Variants in USP3 observed in about 807,000 individuals in gnomAD.
USP3 encodes the protein ubiquitin specific peptidase 3.
In USP3, 20 loss-of-function variants were observed where a neutral mutation model predicts 72.3. The ratio of observed to expected loss-of-function variants is 0.28; its 90% CI spans 0.19 to 0.40. USP3 has a LOEUF of 0.40. Ranked by LOEUF, USP3 falls within the 10% of genes least tolerant of loss-of-function variation. The pLI is 1.00. For missense variants in USP3, 479 were observed against 633.9 expected, an observed-to-expected ratio of 0.76 and a Z score of 2.62; for synonymous variants, 222 against 225.3, an observed-to-expected ratio of 0.99 and a Z score of 0.13.
In USP3 at chr15:63,588,836, G is replaced by T. The variant is rs2067126784; in HGVS notation, c.1329+21G>T. On this transcript the variant is annotated intron_variant, in intron 13 of 14. Transcript: ENST00000380324. The surrounding 1 kb of genome is among the most constrained non-coding windows in gnomAD (Gnocchi z 4.6). ...TAGAGGTAAGGTGGTTACCTTTTTA[G>T]CATGGTGAAAAAATGGCTCTTCAGT... 6.2e-7 allele frequency: 1 copy of T among 1,611,262 alleles called. No homozygotes were observed. Among genetic ancestry groups the T allele is most frequent in the African/African-American group, 1.3e-5 (1 of 74,844 alleles).
intron 8 of USP3, among the ~76,000 whole-genome samples, chr15:63,566,277 C>CA (rs943147169): frequency 3.2e-4 from 48 of 149,578 alleles, no homozygotes; most frequent in African/African-American, 1.1e-3. Context: ...TTTTTGTAGA[C>CA]AAAAAATAGA....
chr15:63,522,167 TGCCC>T (rs1339059319), intron 1 of USP3, among the ~76,000 whole-genome samples: 6 of 152,232 alleles, frequency 3.9e-5, no homozygotes, highest in African/African-American at 1.4e-4. Flanking sequence ...TGAGCCACTG[TGCCC>T]AGTCCTCTCA....
intron 1 of USP3, among the ~76,000 whole-genome samples, chr15:63,518,533 T>C (rs1212923018): frequency 6.6e-6 from 1 of 152,218 alleles, no homozygotes; most frequent in East Asian, 1.9e-4. Flanking sequence ...AGGACACAGA[T>C]TTTTAATCTC....
At chr15:63,556,104 C>CT (rs1245522489) in intron 4 of USP3, among the ~76,000 whole-genome samples, 2 of 152,188 alleles carry the variant, frequency 1.3e-5, no homozygotes, top group Non-Finnish European at 2.9e-5. Flanking sequence ...AATTTCCTCA[C>CT]TAATAAGGAT....
chr15:63,521,818 T>C (rs1315377743), intron 1 of USP3, among the ~76,000 whole-genome samples: 2 of 152,286 alleles, frequency 1.3e-5, no homozygotes, highest in South Asian at 4.1e-4. Context: ...CAATTATACA[T>C]GGGATAGAAA....
intron 3 of USP3, among the ~76,000 whole-genome samples, chr15:63,537,989 T>C (rs1384928088): frequency 1.7e-5 from 2 of 117,020 alleles, no homozygotes; most frequent in Non-Finnish European, 3.9e-5. Flanking sequence ...TCCAGTGCTA[T>C]TTTTTTTTTT....
chr15:63,564,497 T>C (rs570920428), intron 8 of USP3, among the ~76,000 whole-genome samples: 1 of 152,308 alleles, frequency 6.6e-6, no homozygotes, highest in African/African-American at 2.4e-5. Context: ...AGATCCCTCA[T>C]TCTTGAAAGC....
At chr15:63,583,315 A>G (rs1286574409) in intron 11 of USP3, among the ~76,000 whole-genome samples, 1 of 151,814 alleles carries the variant, frequency 6.6e-6, no homozygotes, top group Admixed American at 6.6e-5. Context: ...GACATTGTCA[A>G]TTAAAAAAAA....
intron 9 of USP3, 65 bp from the exon 10 acceptor site, chr15:63,573,981 G>GT (rs1157982190): frequency 8.4e-7 from 1 of 1,187,410 alleles, no homozygotes; most frequent in East Asian, 2.6e-5. Context: ...AATATTTGTA[G>GT]TTTTTTAAAT....
At chr15:63,563,371 T>C (rs1479635832) in intron 8 of USP3, among the ~76,000 whole-genome samples, 1 of 152,170 alleles carries the variant, frequency 6.6e-6, no homozygotes, top group Non-Finnish European at 1.5e-5. Flanking sequence ...GCTAAAAAAA[T>C]TAATAAGATC....
rs368139025 is a variant in USP3, at chr15:63,574,012, C to T, written c.909-34C>T. 2.1e-6 allele frequency: 3 copies of T among 1,443,252 alleles called. No homozygotes were observed. The highest frequency in any genetic ancestry group is 1.4e-5 in the African/African-American group (1 of 70,572). 89.4% of individuals were successfully genotyped at this position (1,443,252 alleles called of 1,614,324 possible). ...TAAATGTCAAAGAGATGGCTTCTTA[C>T]TGAGATATTTTCCTGTGTGGTGATT... On this transcript the variant is annotated intron_variant, in intron 9 of 14. Coordinates refer to ENST00000380324, the MANE Select transcript of USP3 (RefSeq NM_006537.4). The surrounding 1 kb of genome is among the most constrained non-coding windows in gnomAD (Gnocchi z 4.6).
At chr15:63,590,321 G>C (rs971517543) in intron 14 of USP3, among the ~76,000 whole-genome samples, 2 of 152,182 alleles carry the variant, frequency 1.3e-5, no homozygotes, top group African/African-American at 4.8e-5. Flanking sequence ...TGTCAGGGAA[G>C]GGTGCCCTTC....
chr15:63,589,012 G>A lies in USP3; in HGVS notation c.1397+1G>A. ...CTGTGGTGGTGCACCATGGTTCCGG[G>A]TGAGTACAACAGCCAGCTTCTGGTG... is the stretch of plus-strand genomic sequence containing the variant. On this transcript the variant is annotated splice_donor_variant, in intron 14 of 14. Transcript: ENST00000380324. LOFTEE classifies it high-confidence loss of function. 6.2e-7 allele frequency: 1 copy of A among 1,613,232 alleles called. No individual in the cohort carries two copies.
In USP3 at chr15:63,514,515, A is replaced by G. The variant is rs533973410; in HGVS notation, c.91+9685A>G. 6.6e-5 allele frequency among the ~76,000 whole-genome samples: 10 copies of G among 152,312 alleles called. No individual in the cohort carries two copies. The South Asian group carries it at 2.1e-3, about 32-fold the overall frequency. On this transcript the variant is annotated intron_variant, in intron 1 of 14. Transcript: ENST00000380324. ...TCAAAATAAGTCCCGTTGATTTTAAAAGAATAAAGAGTTTCCCAGTAAGTA... is the reference window on the plus strand; with the variant it reads ...TCAAAATAAGTCCCGTTGATTTTAAGAGAATAAAGAGTTTCCCAGTAAGTA...
At position 63,528,985 on chromosome 15, in the gene USP3, A is replaced by C. The variant is rs1450385108; in HGVS notation, c.92-3662A>C. On this transcript the variant is annotated intron_variant, in intron 1 of 14. Transcript: ENST00000380324. This position sits in a 1 kb window ranked among gnomAD's most constrained non-coding sequence, Gnocchi z 4.3. The stretch of plus-strand genomic sequence containing the variant: ...CCATTTATTGGCTTCAGAATCCCTC[A>C]TAATACCCTATCCTCTGTATCTTTC... The C allele has an allele frequency of 7.8e-7, 1 of 1,287,172 alleles. No individual in the cohort carries two copies. Among genetic ancestry groups the C allele is most frequent in the Admixed American group, 2.3e-5 (1 of 43,398 alleles). 79.7% of individuals were successfully genotyped at this position (1,287,172 alleles called of 1,614,324 possible). A position where few individuals can be genotyped will look rare whatever the true frequency, so the allele number is the denominator to read the frequency against.
chr15:63,574,718 A>G lies in USP3; in HGVS notation c.1096+315A>G, dbSNP rs2066834788. On this transcript the variant is annotated intron_variant, in intron 11 of 14. Coordinates refer to ENST00000380324, the MANE Select transcript of USP3 (RefSeq NM_006537.4). The surrounding 1 kb of genome is among the most constrained non-coding windows in gnomAD (Gnocchi z 4.6). ...GAAGTTATTCTGTGGTTATCCCACT[A>G]GCATCTATAGGAAGAAAGAATACTC... Among the ~76,000 whole-genome samples the G allele has an allele frequency of 6.6e-6, 1 of 152,230 alleles. No homozygotes were observed. The highest frequency in any genetic ancestry group is 1.5e-5 in the Non-Finnish European group (1 of 68,020).
chr15:63,576,799 G>T (rs549173427), intron 11 of USP3, among the ~76,000 whole-genome samples: 6 of 152,176 alleles, frequency 3.9e-5, no homozygotes, highest in African/African-American at 1.4e-4. Flanking sequence ...TTAAAAAGTC[G>T]ATGACAGGGT....
intron 8 of USP3, among the ~76,000 whole-genome samples, chr15:63,564,998 C>T (rs1272469277): frequency 1.3e-5 from 2 of 152,172 alleles, no homozygotes; most frequent in African/African-American, 4.8e-5. Context: ...ATTCTTATAA[C>T]ATGCCTGTGT....
chr15:63,580,258 T>G (rs527771232), intron 11 of USP3, among the ~76,000 whole-genome samples: 96 of 152,222 alleles, frequency 6.3e-4, no homozygotes, highest in African/African-American at 2.2e-3. Context: ...TAAAAAACAT[T>G]TATATGAGTG....
Sources: allele counts gnomAD v4.1 joint callset (sites outside exome capture counted in the v4.1 genomes callset), GRCh38; gene constraint gnomAD v4.1.1; non-coding constraint Gnocchi (gnomAD v3.1); transcripts MANE v1.5; gene names NCBI Gene and HGNC (gene_info 2026-07-23, HGNC 2026-07-21).